Variants in IGSF1 observed in about 807,000 individuals in gnomAD.
The protein encoded by IGSF1 is immunoglobulin superfamily member 1.
Under a neutral mutation model 95.3 loss-of-function variants are expected in IGSF1, and 40 were observed. The observed-to-expected ratio is 0.42, with a 90% CI of 0.33 to 0.55. IGSF1 has a LOEUF of 0.55. Ranked by LOEUF, IGSF1 falls within the 20% of genes least tolerant of loss-of-function variation. IGSF1 has a pLI of 0.10. For synonymous variants in IGSF1, 372 were observed against 382.9 expected (o/e 0.97, Z 0.33); for missense variants, 906 against 1,025.4 (o/e 0.88, Z 1.59).
chrX:131,280,322 C>T (rs2080538666), intron 9 of IGSF1, among the ~76,000 whole-genome samples: 1 of 111,415 alleles, frequency 9.0e-6, no homozygotes, highest in Admixed American at 9.5e-5. Flanking sequence ...AGTATTCTGT[C>T]CCTCAGATTC....
Position 131,275,782 on chromosome X carries a change from G to A in IGSF1, c.2897-17C>T, listed in dbSNP as rs746512601. On this transcript the variant is annotated splice_polypyrimidine_tract_variant and intron_variant, in intron 15 of 19. Transcript: ENST00000361420. ...GGAATGTGTCTAGAAAGAGACCAAG[G>A]TTGTAAAGTGGTGACTATAGAAACT... 1.7e-6 allele frequency: 2 copies of A among 1,198,780 alleles called. No homozygotes were observed. The highest frequency in any genetic ancestry group is 1.7e-5 in the African/African-American group (1 of 57,413).
chrX:131,286,626 T>A lies in IGSF1; in HGVS notation c.49A>T (p.Thr17Ser). The change falls in exon 2 of 20, where the codon ACT (threonine) becomes TCT (serine). Residue 17 changes from threonine (T) to serine (S), a missense_variant. Physicochemically the swap from Thr to Ser is moderately conservative, Grantham distance 58. This residue lies in a region of IGSF1 where 442 missense variants were observed against 448.1 expected (regional missense o/e 0.99). Transcript: ENST00000361420. ...TCACGAATGCAAAAGAGCAAAACAG[T>A]GAATGTCTTCAGCATGGTGGCCCCC... The part of the protein sequence containing the change: ...GEGATMLKTF[T>S]VLLFCIRMSL... 1 of 1,206,924 alleles carries A rather than the reference T, an allele frequency of 8.3e-7. No homozygotes were observed.
intron 9 of IGSF1, among the ~76,000 whole-genome samples, chrX:131,280,558 G>C (rs1365850263): frequency 8.9e-6 from 1 of 112,013 alleles, no homozygotes; most frequent in Non-Finnish European, 1.9e-5. Flanking sequence ...GGATGAGAGA[G>C]GCAGATGGCC....
chrX:131,274,420 C>T (rs1256683303), intron 18 of IGSF1, among the ~76,000 whole-genome samples, 179 bp downstream of exon 18: 1 of 111,625 alleles, frequency 9.0e-6, no homozygotes, highest in African/African-American at 3.3e-5. Flanking sequence ...GAAACCCACT[C>T]ACTATCTTCA....
At chrX:131,282,365 G>A (rs1184995881) in intron 7 of IGSF1, 79 bp downstream of exon 7, 1 of 793,894 alleles carries the variant, frequency 1.3e-6, no homozygotes, top group Non-Finnish European at 1.9e-6. Flanking sequence ...AGGATATGAG[G>A]CTACTAGCTC....
chrX:131,281,044 T>G (rs2080550963), intron 9 of IGSF1, 174 bp downstream of exon 9: 1 of 485,487 alleles, frequency 2.1e-6, no homozygotes, highest in Non-Finnish European at 3.6e-6. Context: ...CTGGCTTGAG[T>G]GCTGACCCCT....
intron 9 of IGSF1, among the ~76,000 whole-genome samples, chrX:131,280,127 G>T (rs1030334976): frequency 5.5e-5 from 6 of 109,670 alleles, no homozygotes; most frequent in Admixed American, 9.9e-5. Context: ...GCTGGGCTGG[G>T]GTGGGGCACA....
Position 131,282,665 on chromosome X carries a change from C to T in IGSF1, c.1025G>A (p.Arg342Gln), listed in dbSNP as rs748526007. The T allele has an allele frequency of 1.9e-5, 23 of 1,210,238 alleles. No individual in the cohort carries two copies. In the South Asian group the frequency reaches 1.9e-4, roughly 10 times the overall value. ...VVQMGQNVSL[R>Q]CRGPVDGVGL... Reference sequence around the variant, plus strand: ...CACTCCATCCACTGGTCCTCGACACCGTAGGCTCACATTCTGACCCATTTG... The same window carrying T: ...CACTCCATCCACTGGTCCTCGACACTGTAGGCTCACATTCTGACCCATTTG... Residue 342 changes from arginine (R) to glutamine (Q), a missense_variant, in exon 7 of 20, where the codon CGG (arginine) becomes CAG (glutamine). By Grantham distance (43) the Arg-to-Gln change is conservative. Transcript: ENST00000361420.
At chrX:131,279,019 A>C in intron 11 of IGSF1, 124 bp downstream of exon 11, 1 of 784,812 alleles carries the variant, frequency 1.3e-6, no homozygotes. Context: ...CAGCTTTAGC[A>C]AGTGCCCCTT....
Position 131,283,221 on chromosome X carries a change from G to C in IGSF1, c.711C>G (p.Ile237Met), listed in dbSNP as rs772153736. Reference sequence around the variant, plus strand: ...GATTCAGGCTTTCTCCAGGTGCCATGATGGGCCCAGGATGGGCTGTCAAAG... The same window carrying C: ...GATTCAGGCTTTCTCCAGGTGCCATCATGGGCCCAGGATGGGCTGTCAAAG... Reference protein sequence around the residue: ...KPTLTAHPGPIMAPGESLNLR... With the variant: ...KPTLTAHPGPMMAPGESLNLR... Residue 237 changes from isoleucine to methionine, a missense_variant, in exon 6 of 20, where the codon ATC becomes ATG. Transcript: ENST00000361420. 4 of 1,211,166 alleles carry C rather than the reference G, an allele frequency of 3.3e-6. No homozygotes were observed. The East Asian group carries it at 8.9e-5, about 27-fold the overall frequency.
intron 5 of IGSF1, 85 bp from the exon 6 acceptor site, chrX:131,283,349 C>G: frequency 1.2e-6 from 1 of 831,653 alleles, no homozygotes; most frequent in South Asian, 2.5e-5. Context: ...TTTCTTTGAA[C>G]AAGAAGTGGT....
chrX:131,279,808 A>G, intron 9 of IGSF1, among the ~76,000 whole-genome samples: 1 of 111,748 alleles, frequency 8.9e-6, no homozygotes, highest in Non-Finnish European at 1.9e-5. Context: ...ATTGGTCCTC[A>G]GACCCACCTG....
At position 131,274,184 on chromosome X, in the gene IGSF1, A is replaced by G. The variant is rs200218728; in HGVS notation, c.3774T>C (p.Thr1258=). 8 of 1,209,544 alleles carry G rather than the reference A, an allele frequency of 6.6e-6. No individual in the cohort carries two copies. The Middle Eastern group carries it at 6.9e-4, about 104-fold the overall frequency. ...GGCTACTTCGGACAATGTTCCCTAC[A>G]GTGCACTCCTGAGCAACAGGCCCTG... ...GAAGPVAQEC[T]VGNIVRSSLI... The change falls in exon 19 of 20, where the codon ACT becomes ACC. Residue 1258 remains threonine (T), a synonymous_variant. Coordinates refer to ENST00000361420, the MANE Select transcript of IGSF1 (RefSeq NM_001555.5).
chrX:131,279,713 G>C (rs1375961390), intron 9 of IGSF1, among the ~76,000 whole-genome samples: 2 of 111,341 alleles, frequency 1.8e-5, no homozygotes, highest in African/African-American at 6.5e-5. Context: ...CGGCAGCTCT[G>C]GGTGGTGTGT....
chrX:131,278,393 C>T lies in IGSF1; in HGVS notation c.2041+68G>A. Reference sequence around the variant, plus strand: ...GTCCCTGTGAGTTCATTCCCTCACTCCCAGGAGCAGTGTTGGAGTCCCAGG... The same window carrying T: ...GTCCCTGTGAGTTCATTCCCTCACTTCCAGGAGCAGTGTTGGAGTCCCAGG... On this transcript the variant is annotated intron_variant, in intron 12 of 19. Coordinates refer to ENST00000361420, the MANE Select transcript of IGSF1 (RefSeq NM_001555.5). 2.0e-6 allele frequency: 2 copies of T among 1,019,554 alleles called. 1 individual carries two copies. Among genetic ancestry groups the T allele is most frequent in the South Asian group, 4.4e-5 (2 of 44,965 alleles). 84.0% of individuals were successfully genotyped at this position (1,019,554 alleles called of 1,213,427 possible).
chrX:131,282,606 G>C lies in IGSF1; in HGVS notation c.1084C>G (p.Pro362Ala). 1 of 1,210,666 alleles carries C rather than the reference G, an allele frequency of 8.3e-7. No homozygotes were observed. Among genetic ancestry groups the C allele is most frequent in the Non-Finnish European group, 1.1e-6 (1 of 894,858 alleles). The change falls in exon 7 of 20, where the codon CCA becomes GCA. Residue 362 changes from proline (P) to alanine (A), a missense_variant. This residue lies in a region of IGSF1 where 442 missense variants were observed against 448.1 expected (regional missense o/e 0.99). Coordinates refer to ENST00000361420, the MANE Select transcript of IGSF1 (RefSeq NM_001555.5). ...LALYKKGEDK[P>A]LQFLDATSID... ...CTGGTGGCATCCAAAAATTGAAGTG[G>C]TTTGTCTTCTCCTTTCTTATAGAGT...
Position 131,274,109 on chromosome X carries a change from C to G in IGSF1, c.3849G>C (p.Trp1283Cys). 8.3e-7 allele frequency: 1 copy of G among 1,211,676 alleles called. No individual in the cohort carries two copies. Among genetic ancestry groups the G allele is most frequent in the South Asian group, 1.8e-5 (1 of 56,980 alleles). Residue 1283 changes from tryptophan (W) to cysteine (C), a missense_variant, in exon 19 of 20, where the codon TGG becomes TGC. Trp to Cys is a radical substitution (Grantham distance 215). Coordinates refer to ENST00000361420, the MANE Select transcript of IGSF1 (RefSeq NM_001555.5). Reference sequence around the variant, plus strand: ...TGGTTCGCAGTCGAGGCCACTTCTTCCACTCTATGGCTAGCACTACCCCCA... The same window carrying G: ...TGGTTCGCAGTCGAGGCCACTTCTTGCACTCTATGGCTAGCACTACCCCCA... Reference protein sequence around the residue: ...VALGVVLAIEWKKWPRLRTRG... With the variant: ...VALGVVLAIECKKWPRLRTRG...
At chrX:131,282,416 G>C (rs758354051) in intron 7 of IGSF1, 28 bp downstream of exon 7, 1 of 1,154,743 alleles carries the variant, frequency 8.7e-7, no homozygotes, top group African/African-American at 1.8e-5. Context: ...CAAACAGGTT[G>C]ATAATAAAAA....
intron 1 of IGSF1, among the ~76,000 whole-genome samples, chrX:131,287,640 G>C (rs2080662085): frequency 9.0e-6 from 1 of 111,506 alleles, no homozygotes; most frequent in Non-Finnish European, 1.9e-5. Flanking sequence ...TAAGGGAAAT[G>C]GAATTGTTTG....
Sources: gnomAD v4.1 joint callset for allele counts (sites outside exome capture counted in the v4.1 genomes callset) on GRCh38, gnomAD v4.1.1 for gene constraint, gnomAD v4.1.1 regional missense constraint, MANE v1.5 for transcripts, NCBI Gene and HGNC (gene_info 2026-07-23, HGNC 2026-07-21) for gene names.